SPIDR: variants seen among roughly 807,000 people sequenced by gnomAD.
SPIDR encodes DNA repair-scaffolding protein.
A neutral mutation model predicts 104.6 loss-of-function variants in SPIDR; 93 were observed. That is an observed-to-expected ratio of 0.89 (90% CI 0.75 to 1.06). The LOEUF is 1.06. SPIDR is among the 50% of genes least tolerant of loss of function. SPIDR has a pLI of 0.00. For synonymous variants in SPIDR, 431 were observed against 416.9 expected (o/e 1.03, Z -0.41); for missense variants, 1,154 against 1,111.2 (o/e 1.04, Z -0.55).
At chr8:47,711,178 C>T (rs1443385987) in intron 14 of SPIDR, among the ~76,000 whole-genome samples, 1 of 152,128 alleles carries the variant, frequency 6.6e-6, no homozygotes, top group East Asian at 1.9e-4. Flanking sequence ...GTTCCTGTGT[C>T]CTTTGGACAC....
chr8:47,430,025 A>G (rs780667889), intron 7 of SPIDR, among the ~76,000 whole-genome samples: 3 of 151,944 alleles, frequency 2.0e-5, no homozygotes, highest in Non-Finnish European at 2.9e-5. Context: ...TGTTATTCCC[A>G]TGTGAAAGTC....
intron 3 of SPIDR, among the ~76,000 whole-genome samples, chr8:47,287,012 A>G (rs1186052016): frequency 1.3e-5 from 2 of 152,186 alleles, no homozygotes; most frequent in African/African-American, 4.8e-5. Flanking sequence ...CAGCTGAGAA[A>G]TAAAGAGAAA....
intron 11 of SPIDR, 36 bp downstream of exon 11, chr8:47,673,977 A>G (rs1287677528): frequency 2.4e-5 from 39 of 1,596,230 alleles, no homozygotes; most frequent in Non-Finnish European, 3.2e-5. Flanking sequence ...AATTTGCTAC[A>G]ATTGTTGGTT....
intron 8 of SPIDR, among the ~76,000 whole-genome samples, chr8:47,486,489 G>C (rs2077637589): frequency 6.6e-6 from 1 of 152,070 alleles, no homozygotes; most frequent in South Asian, 2.1e-4. Flanking sequence ...TCAAATTCAG[G>C]AAATAGAGAA....
chr8:47,637,114 G>A (rs1023290461), intron 10 of SPIDR, among the ~76,000 whole-genome samples: 2 of 152,122 alleles, frequency 1.3e-5, no homozygotes, highest in Non-Finnish European at 2.9e-5. Flanking sequence ...CATTTCCTTA[G>A]TGTTTACCTA....
intron 8 of SPIDR, among the ~76,000 whole-genome samples, chr8:47,570,813 C>T (rs781044013): frequency 7.9e-5 from 12 of 152,120 alleles, no homozygotes; most frequent in Non-Finnish European, 1.5e-4. Context: ...AAGGTTTTAG[C>T]CGGGTGTGGT....
intron 1 of SPIDR, among the ~76,000 whole-genome samples, chr8:47,269,848 G>C (rs2034929447): frequency 6.6e-6 from 1 of 152,110 alleles, no homozygotes; most frequent in South Asian, 2.1e-4. Flanking sequence ...TATCTAGTTT[G>C]TTGAGTTTTT....
intron 8 of SPIDR, among the ~76,000 whole-genome samples, chr8:47,460,511 G>A (rs781829637): frequency 1.3e-5 from 2 of 152,014 alleles, no homozygotes; most frequent in Non-Finnish European, 2.9e-5. Flanking sequence ...CATTTGCGTG[G>A]GCTGTCTTTT....
At chr8:47,371,777 T>A (rs1397046363) in intron 5 of SPIDR, among the ~76,000 whole-genome samples, 3 of 152,172 alleles carry the variant, frequency 2.0e-5, no homozygotes, top group African/African-American at 4.8e-5. Context: ...CATAGTGCAT[T>A]GCTTCAAAAA....
chr8:47,701,832 C>T lies in SPIDR; in HGVS notation c.1885C>T (p.Pro629Ser). The T allele has an allele frequency of 6.2e-7, 1 of 1,614,156 alleles. No individual in the cohort carries two copies. Among genetic ancestry groups the T allele is most frequent in the Non-Finnish European group, 8.5e-7 (1 of 1,180,042 alleles). Reference protein sequence around the residue: ...EDPIYKLYQPPVTRCLRDILQ... With the variant: ...EDPIYKLYQPSVTRCLRDILQ... ...CCCCATTTATAAGCTTTACCAGCCT[C>T]CAGTTACCCGCTGCTTAAGAGACAT... The change falls in exon 13 of 20, where the codon CCA (proline) becomes TCA (serine). Residue 629 changes from proline (P) to serine (S), a missense_variant. Coordinates refer to ENST00000297423, the MANE Select transcript of SPIDR (RefSeq NM_001080394.4).
At chr8:47,444,414 T>C (rs188795109) in intron 8 of SPIDR, among the ~76,000 whole-genome samples, 27 of 152,346 alleles carry the variant, frequency 1.8e-4, no homozygotes, top group Non-Finnish European at 2.8e-4. Context: ...TGCCAGATAC[T>C]TTGCTTCTCC....
chr8:47,420,129 G>T (rs150609409), intron 7 of SPIDR, among the ~76,000 whole-genome samples: 3 of 152,106 alleles, frequency 2.0e-5, no homozygotes, highest in African/African-American at 4.8e-5. Flanking sequence ...TGTCTATTAG[G>T]TCCACTTGGT....
At chr8:47,464,201 A>T in intron 8 of SPIDR, among the ~76,000 whole-genome samples, 1 of 152,282 alleles carries the variant, frequency 6.6e-6, no homozygotes, top group Non-Finnish European at 1.5e-5. Context: ...GCAGATTAAT[A>T]TACAAAAATT....
At chr8:47,447,907 C>T (rs1237566921) in intron 8 of SPIDR, among the ~76,000 whole-genome samples, 2 of 152,160 alleles carry the variant, frequency 1.3e-5, no homozygotes, top group Non-Finnish European at 2.9e-5. Flanking sequence ...CTAAGGTATG[C>T]ACTTTTTTTA....
At chr8:47,288,197 T>C (rs2039231630) in intron 3 of SPIDR, among the ~76,000 whole-genome samples, 1 of 152,248 alleles carries the variant, frequency 6.6e-6, no homozygotes, top group Admixed American at 6.5e-5. Context: ...GCCACCTTTA[T>C]TGGACTTCCT....
chr8:47,453,570 A>G (rs1370864648), intron 8 of SPIDR, among the ~76,000 whole-genome samples: 1 of 152,208 alleles, frequency 6.6e-6, no homozygotes, highest in African/African-American at 2.4e-5. Context: ...CCACACATCT[A>G]CAACCATCTG....
At chr8:47,268,716 C>T (rs1355986405) in intron 1 of SPIDR, among the ~76,000 whole-genome samples, 5 of 152,140 alleles carry the variant, frequency 3.3e-5, no homozygotes, top group African/African-American at 1.2e-4. Context: ...TTTTGGCCTC[C>T]CAAAGCTCTG....
chr8:47,570,409 C>T (rs1313915803), intron 8 of SPIDR, among the ~76,000 whole-genome samples: 1 of 152,098 alleles, frequency 6.6e-6, no homozygotes, highest in African/African-American at 2.4e-5. Flanking sequence ...CAAAAATTAA[C>T]TCAAAATGAA....
chr8:47,291,850 A>G (rs1375461148), intron 4 of SPIDR, among the ~76,000 whole-genome samples: 3 of 152,192 alleles, frequency 2.0e-5, no homozygotes, highest in African/African-American at 7.2e-5. Flanking sequence ...TTCTATTCAG[A>G]TGGCGTTTTA....
Sources: gnomAD v4.1 joint callset for allele counts (sites outside exome capture counted in the v4.1 genomes callset) on GRCh38, gnomAD v4.1.1 for gene constraint, MANE v1.5 for transcripts, NCBI Gene and HGNC (gene_info 2026-07-23, HGNC 2026-07-21) for gene names.